Variants in GTF2F2 observed in about 807,000 individuals in gnomAD.
The protein encoded by GTF2F2 is ATP-dependent helicase GTF2F2.
A neutral mutation model predicts 42.2 loss-of-function variants in GTF2F2; 23 were observed. The ratio of observed to expected loss-of-function variants is 0.55; its 90% confidence interval spans 0.39 to 0.77. The LOEUF is 0.77. Among genes scored for constraint, GTF2F2 ranks in the 30% least tolerant of loss-of-function variants. The probability of loss-of-function intolerance (pLI) is 0.00; values close to 1 mark genes in which losing one functional copy is unlikely to be tolerated. For synonymous variants in GTF2F2, 105 were observed against 100.8 expected (o/e 1.04, Z -0.25); for missense variants, 261 against 287.2 (o/e 0.91, Z 0.66).
chr13:45,150,565 A>G (rs971901792), intron 3 of GTF2F2, among the ~76,000 whole-genome samples: 80 of 151,640 alleles, frequency 5.3e-4, no homozygotes, highest in African/African-American at 1.9e-3. Context: ...TTCCTTCTAT[A>G]TGCCAGGCAC....
intron 1 of GTF2F2, among the ~76,000 whole-genome samples, chr13:45,128,916 C>T (rs1869192893): frequency 6.6e-6 from 1 of 151,960 alleles, no homozygotes; most frequent in African/African-American, 2.4e-5. Context: ...TTGGCAGTTG[C>T]TTGTATTAGG....
chr13:45,138,944 C>CCG (rs1323358366), intron 2 of GTF2F2, among the ~76,000 whole-genome samples: 1 of 152,190 alleles, frequency 6.6e-6, no homozygotes, highest in African/African-American at 2.4e-5. Flanking sequence ...CTGTGCCCGG[C>CCG]CGCGAGTGAA....
chr13:45,172,760 G>A (rs1871662556), intron 4 of GTF2F2, among the ~76,000 whole-genome samples: 1 of 152,124 alleles, frequency 6.6e-6, no homozygotes, highest in African/African-American at 2.4e-5. Context: ...TAGTTGATCA[G>A]GAGTTGTTTA....
At chr13:45,146,523 C>T (rs947543486) in intron 2 of GTF2F2, among the ~76,000 whole-genome samples, 6 of 152,036 alleles carry the variant, frequency 3.9e-5, no homozygotes, top group Admixed American at 3.9e-4. Flanking sequence ...ACAAAACCAA[C>T]AAGAGCCAAC....
chr13:45,276,503 C>G (rs1292246460), intron 7 of GTF2F2, among the ~76,000 whole-genome samples: 1 of 150,316 alleles, frequency 6.7e-6, no homozygotes, highest in Non-Finnish European at 1.5e-5. Context: ...ATGGCATGAT[C>G]TCGGCTCACT....
intron 2 of GTF2F2, among the ~76,000 whole-genome samples, chr13:45,146,277 C>G (rs994325413): frequency 6.6e-6 from 1 of 152,084 alleles, no homozygotes; most frequent in Non-Finnish European, 1.5e-5. Context: ...AGGAGGATCA[C>G]TTGAGTCTAG....
intron 7 of GTF2F2, among the ~76,000 whole-genome samples, chr13:45,278,536 T>A (rs1187675758): frequency 2.0e-5 from 3 of 152,196 alleles, no homozygotes; most frequent in Non-Finnish European, 4.4e-5. Flanking sequence ...ATAAAAGTGA[T>A]CTACTCAGTT....
chr13:45,129,665 T>G (rs115661794), intron 1 of GTF2F2, among the ~76,000 whole-genome samples: 23 of 152,378 alleles, frequency 1.5e-4, no homozygotes, highest in African/African-American at 5.1e-4. Context: ...AAATGATAAC[T>G]ATTCTTCTAT....
At chr13:45,270,353 C>T (rs1241418017) in intron 7 of GTF2F2, among the ~76,000 whole-genome samples, 2 of 152,058 alleles carry the variant, frequency 1.3e-5, no homozygotes, top group African/African-American at 4.8e-5. Flanking sequence ...AACAGAATAC[C>T]TGAAGCTGGG....
chr13:45,129,430 G>A (rs1056820944), intron 1 of GTF2F2, among the ~76,000 whole-genome samples: 9 of 151,950 alleles, frequency 5.9e-5, no homozygotes, highest in Non-Finnish European at 1.0e-4. Flanking sequence ...GGCTGGTCTC[G>A]AACTCCTGTG....
intron 5 of GTF2F2, among the ~76,000 whole-genome samples, chr13:45,218,753 A>G (rs1346206138): frequency 6.6e-6 from 1 of 152,108 alleles, no homozygotes. Context: ...GGGGTGCCGA[A>G]TGGTCTGGGA....
At chr13:45,231,591 G>T (rs1184529503) in intron 5 of GTF2F2, among the ~76,000 whole-genome samples, 1 of 152,020 alleles carries the variant, frequency 6.6e-6, no homozygotes, top group East Asian at 1.9e-4. Context: ...ACTCCCAATG[G>T]CTTTCACTCT....
intron 4 of GTF2F2, among the ~76,000 whole-genome samples, chr13:45,184,983 G>T (rs999091733): frequency 6.6e-6 from 1 of 151,748 alleles, no homozygotes; most frequent in African/African-American, 2.4e-5. Flanking sequence ...AACTGTTTTT[G>T]TGTGTGTGTG....
At position 45,253,030 on chromosome 13, in the gene GTF2F2, G is replaced by A. The variant is rs951645472; in HGVS notation, c.486+60G>A. On this transcript the variant is annotated intron_variant, in intron 6 of 7. Transcript: ENST00000340473. Reference sequence around the variant, plus strand: ...TATCTTCATTCTTTTCTGTATCATAGAGTCTTAGGTTTCCAAAGAACCTGA... The same window carrying A: ...TATCTTCATTCTTTTCTGTATCATAAAGTCTTAGGTTTCCAAAGAACCTGA... 4.1e-6 allele frequency: 3 copies of A among 726,922 alleles called. No homozygotes were observed. The African/African-American group carries it at 5.6e-5, about 14-fold the overall frequency. The allele number at this position is 726,922 out of a possible 1,614,324, so 45.0% of individuals were successfully genotyped here.
intron 4 of GTF2F2, among the ~76,000 whole-genome samples, chr13:45,167,394 CTATTTTTTTTT>C (rs1871345163): frequency 9.2e-6 from 1 of 108,808 alleles, no homozygotes; most frequent in African/African-American, 3.8e-5. Flanking sequence ...TTTCACCCAG[CTATTTTTTTTT>C]TTTTTTTTTT....
chr13:45,155,077 A>G (rs916865692), intron 4 of GTF2F2, among the ~76,000 whole-genome samples: 4 of 152,190 alleles, frequency 2.6e-5, no homozygotes, highest in African/African-American at 9.7e-5. Flanking sequence ...CATATTTAAA[A>G]TGTTAGATGT....
intron 5 of GTF2F2, among the ~76,000 whole-genome samples, chr13:45,208,369 C>T (rs768097509): frequency 1.3e-5 from 2 of 152,040 alleles, no homozygotes; most frequent in African/African-American, 2.4e-5. Flanking sequence ...ATTTTTTAAG[C>T]CCTGAGGAAA....
Position 45,258,471 on chromosome 13 carries a change from A to G in GTF2F2, c.486+5501A>G, listed in dbSNP as rs550300565. Among the ~76,000 whole-genome samples, 5 of 152,296 alleles carry G rather than the reference A, an allele frequency of 3.3e-5. No homozygotes were observed. The East Asian group carries it at 9.6e-4, about 29-fold the overall frequency. Reference sequence around the variant, plus strand: ...AGGGAATCTTGGAAATGTAGCCTGCAGACCTCTTGCCACCCCACCCTTACC... The same window carrying G: ...AGGGAATCTTGGAAATGTAGCCTGCGGACCTCTTGCCACCCCACCCTTACC... On this transcript the variant is annotated intron_variant, in intron 6 of 7. Transcript: ENST00000340473.
intron 5 of GTF2F2, among the ~76,000 whole-genome samples, chr13:45,248,706 C>T (rs1032971948): frequency 2.6e-5 from 4 of 152,038 alleles, no homozygotes; most frequent in African/African-American, 9.7e-5. Context: ...GAACTCCTGA[C>T]CTCAGGTGAT....
Sources: allele counts gnomAD v4.1 joint callset (sites outside exome capture counted in the v4.1 genomes callset), GRCh38; gene constraint gnomAD v4.1.1; transcripts MANE v1.5; gene names NCBI Gene and HGNC (gene_info 2026-07-23, HGNC 2026-07-21).